The following DNHD1 variants were observed in gnomAD, a reference collection of about 807,000 sequenced individuals.
The protein encoded by DNHD1 is dynein heavy chain domain-containing protein 1.
Under a neutral mutation model 458.1 loss-of-function variants are expected in DNHD1, and 383 were observed. That is an observed-to-expected ratio of 0.84 (90% CI 0.77 to 0.91). The LOEUF (loss-of-function observed/expected upper bound fraction) is 0.91, where lower values mean the gene tolerates loss of function less well. Among genes scored for constraint, DNHD1 ranks in the 40% least tolerant of loss-of-function variants. The pLI, the probability that DNHD1 is intolerant of heterozygous loss-of-function variation, is 0.00. For synonymous variants in DNHD1, 2,203 were observed against 2,376.9 expected, an observed-to-expected ratio of 0.93 and a Z score of 2.13; for missense variants, 5,336 against 5,866.1, an observed-to-expected ratio of 0.91 and a Z score of 2.95.
intron 24 of DNHD1, among the ~76,000 whole-genome samples, chr11:6,552,623 G>A (rs940047550): frequency 3.3e-5 from 5 of 152,030 alleles, no homozygotes; most frequent in Non-Finnish European, 7.4e-5. Context: ...GCGAAGGGGA[G>A]GCAAGGCACA....
chr11:6,504,222 T>C (rs1026428955), intron 4 of DNHD1: 4 of 152,230 alleles, frequency 2.6e-5, no homozygotes, highest in African/African-American at 9.6e-5. Flanking sequence ...TATTAATTGA[T>C]TGCCTCTTGA....
Position 6,519,701 on chromosome 11 carries a change from A to T in DNHD1, c.1494A>T (p.Val498=). Residue 498 remains valine (V), a synonymous_variant, in exon 8 of 43, where the codon GTA becomes GTT. Coordinates refer to ENST00000254579, the MANE Select transcript of DNHD1 (RefSeq NM_144666.3). ...AAGGCTCCATATACCTTCAGAGGGT[A>T]CAGCACAAGCAACTGGAGCAGAAGC... ...TGQGSIYLQR[V]QHKQLEQKLK... The T allele has an allele frequency of 6.2e-7, 1 of 1,614,194 alleles. No individual in the cohort carries two copies. The highest frequency in any genetic ancestry group is 8.5e-7 in the Non-Finnish European group (1 of 1,180,024).
chr11:6,499,454 T>G (rs1266017974), intron 3 of DNHD1, among the ~76,000 whole-genome samples: 1 of 152,124 alleles, frequency 6.6e-6, no homozygotes, highest in Non-Finnish European at 1.5e-5. Flanking sequence ...CAGAGTGGAG[T>G]TGGCAGCACT....
chr11:6,564,435 C>A lies in DNHD1; in HGVS notation c.10387C>A (p.Leu3463Met). The A allele has an allele frequency of 3.2e-6, 5 of 1,551,726 alleles. No homozygotes were observed. The highest frequency in any genetic ancestry group is 1.7e-4 in the Middle Eastern group (1 of 5,992). Reference protein sequence around the residue: ...PFPPLRRQELLDEWLALCRGF... With the variant: ...PFPPLRRQELMDEWLALCRGF... Reference sequence around the variant, plus strand: ...CCCACCATTGCGGCGCCAAGAGCTACTGGACGAGTGGTTAGCTCTGTGTAG... The same window carrying A: ...CCCACCATTGCGGCGCCAAGAGCTAATGGACGAGTGGTTAGCTCTGTGTAG... The change falls in exon 32 of 43, where the codon CTG (leucine) becomes ATG (methionine). Residue 3463 changes from leucine to methionine, a missense_variant. Physicochemically the swap from Leu to Met is conservative, Grantham distance 15 (BLOSUM62 2). Transcript: ENST00000254579.
rs752539277 is a variant in DNHD1 at position 6,545,305 on chromosome 11, C to T, written c.4366C>T (p.Arg1456Cys). The T allele has an allele frequency of 4.5e-6, 7 of 1,551,620 alleles. No individual in the cohort carries two copies. The highest frequency in any genetic ancestry group is 2.4e-5 in the East Asian group (1 of 40,938). ...GCTGGCCTCTCTGGAGAAGTGTCTGCGCTTGGCACTGGTGCACATGCTGCA... is the reference window on the plus strand; with the variant it reads ...GCTGGCCTCTCTGGAGAAGTGTCTGTGCTTGGCACTGGTGCACATGCTGCA... ...KWLASLEKCL[R>C]LALVHMLQGC... Residue 1456 changes from arginine (R) to cysteine (C), a missense_variant, in exon 21 of 43, where the codon CGC (arginine) becomes TGC (cysteine). Coordinates refer to ENST00000254579, the MANE Select transcript of DNHD1 (RefSeq NM_144666.3). The surrounding 1 kb of genome is among the most constrained non-coding windows in gnomAD (Gnocchi z 4.9).
In DNHD1 at chr11:6,539,321, C is replaced by T; in HGVS notation, c.3420+8C>T. On this transcript the variant is annotated splice_region_variant and intron_variant, in intron 17 of 42. Coordinates refer to ENST00000254579, the MANE Select transcript of DNHD1 (RefSeq NM_144666.3). Reference sequence around the variant, plus strand: ...GCAGATCGAATCAACCAGGTGGGGCCCTCAGTACAGGGGCGAGGGAGGTGG... The same window carrying T: ...GCAGATCGAATCAACCAGGTGGGGCTCTCAGTACAGGGGCGAGGGAGGTGG... 6.5e-7 allele frequency: 1 copy of T among 1,547,930 alleles called. No individual in the cohort carries two copies. The highest frequency in any genetic ancestry group is 8.7e-7 in the Non-Finnish European group (1 of 1,143,756).
At chr11:6,533,366 T>G (rs1254609909) in intron 13 of DNHD1, among the ~76,000 whole-genome samples, 182 bp downstream of exon 13, 2 of 152,226 alleles carry the variant, frequency 1.3e-5, no homozygotes, top group Admixed American at 1.3e-4. Context: ...AGGTTCCTCA[T>G]GTCACAGGGA....
Position 6,545,351 on chromosome 11 carries a change from T to G in DNHD1, c.4412T>G (p.Leu1471Arg). The change falls in exon 21 of 43, where the codon CTT (leucine) becomes CGT (arginine). Residue 1471 changes from leucine (L) to arginine (R), a missense_variant. Leu to Arg is a moderately radical substitution (Grantham distance 102). Around this residue, in one of 4 missense-constraint regions of DNHD1, gnomAD observed 3,932 missense variants for 4,365.6 expected, o/e 0.90. Coordinates refer to ENST00000254579, the MANE Select transcript of DNHD1 (RefSeq NM_144666.3). The surrounding 1 kb of genome is among the most constrained non-coding windows in gnomAD (Gnocchi z 4.9). ...CTGCAGGGCTGTGTGGCTGCTCGCC[T>G]TGCTCGAGGCCCATCTCTAGGTGAG... ...HMLQGCVAAR[L>R]ARGPSLGEAL... 1 of 1,551,770 alleles carries G rather than the reference T, an allele frequency of 6.4e-7. No individual in the cohort carries two copies.
chr11:6,554,823 C>T (rs893770786), intron 24 of DNHD1, among the ~76,000 whole-genome samples: 1 of 152,170 alleles, frequency 6.6e-6, no homozygotes, highest in African/African-American at 2.4e-5. Context: ...ATGGTACATC[C>T]ACTATAAAAA....
Position 6,571,109 on chromosome 11 carries a change from C to G in DNHD1, c.13597C>G (p.Leu4533Val), listed in dbSNP as rs763541588. 32 of 1,598,918 alleles carry G rather than the reference C, an allele frequency of 2.0e-5. No individual in the cohort carries two copies. The highest frequency in any genetic ancestry group is 6.0e-6 in the Non-Finnish European group (7 of 1,174,234). ...AVAHALWTGR[L>V]PLPWRPHAPA... ...GGCCCACGCTCTCTGGACTGGCCGC[C>G]TACCCTTGCCTTGGCGACCTCATGC... Residue 4533 changes from leucine (L) to valine (V), a missense_variant, in exon 42 of 43, where the codon CTA becomes GTA. By Grantham distance (32) the Leu-to-Val change is conservative. This residue lies in a region of DNHD1 where 698 missense variants were observed against 664.9 expected (regional missense o/e 1.05). Transcript: ENST00000254579. The surrounding 1 kb of genome is among the most constrained non-coding windows in gnomAD (Gnocchi z 5.0).
At position 6,567,475 on chromosome 11, in the gene DNHD1, A is replaced by C; in HGVS notation, c.11966A>C (p.Glu3989Ala). 1 of 1,613,248 alleles carries C rather than the reference A, an allele frequency of 6.2e-7. No individual in the cohort carries two copies. Among genetic ancestry groups the C allele is most frequent in the Non-Finnish European group, 8.5e-7 (1 of 1,179,552 alleles). Reference protein sequence around the residue: ...PAWLGPKAWHECEMLELLPPF... With the variant: ...PAWLGPKAWHACEMLELLPPF... ...TGGCTTGGGCCAAAAGCCTGGCATG[A>C]ATGTGAGATGTTAGAGCTGCTGCCC... The change falls in exon 36 of 43, where the codon GAA becomes GCA. Residue 3989 changes from glutamate (E) to alanine (A), a missense_variant. Physicochemically the swap from Glu to Ala is moderately radical, Grantham distance 107 (BLOSUM62 -1). Coordinates refer to ENST00000254579, the MANE Select transcript of DNHD1 (RefSeq NM_144666.3).
rs768248628 is a variant in DNHD1 at position 6,546,331 on chromosome 11, C to T, written c.5392C>T (p.Arg1798Cys). Residue 1798 changes from arginine (R) to cysteine (C), a missense_variant, in exon 21 of 43, where the codon CGC becomes TGC. Around this residue, in one of 4 missense-constraint regions of DNHD1, gnomAD observed 3,932 missense variants for 4,365.6 expected, o/e 0.90. Transcript: ENST00000254579. ...SFFEKHHVSV[R>C]LGYGCLLVLR... ...CTTTGAAAAACATCACGTGTCTGTG[C>T]GCCTTGGCTATGGCTGTCTCCTGGT... The T allele has an allele frequency of 1.9e-5, 30 of 1,552,320 alleles. No individual in the cohort carries two copies. The highest frequency in any genetic ancestry group is 2.4e-5 in the South Asian group (2 of 84,034).
chr11:6,533,299 CTG>C, intron 13 of DNHD1, 115 bp downstream of exon 13: 1 of 1,100,024 alleles, frequency 9.1e-7, no homozygotes, highest in Non-Finnish European at 1.3e-6. Context: ...TGCTCTTAAA[CTG>C]TGCTCGCCTA....
chr11:6,558,354 A>C (rs2134447165), intron 25 of DNHD1, 57 bp downstream of exon 25: 1 of 1,532,446 alleles, frequency 6.5e-7, no homozygotes, highest in South Asian at 1.2e-5. Flanking sequence ...TCTTGGCCAA[A>C]AGGCCAAAAG....
rs1564823466 is a variant in DNHD1, at chr11:6,565,740, T to C, written c.10802T>C (p.Met3601Thr). The change falls in exon 33 of 43, where the codon ATG (methionine) becomes ACG (threonine). Residue 3601 changes from methionine (M) to threonine (T), a missense_variant. Physicochemically the swap from Met to Thr is moderately conservative, Grantham distance 81. Transcript: ENST00000254579. ...CAAAAGAGAGAGAGTAAAACGGACA[T>C]GAAAGAGGAAGATGATGAGAGTGAA... Reference protein sequence around the residue: ...RNQKRESKTDMKEEDDESEES... With the variant: ...RNQKRESKTDTKEEDDESEES... 1 of 1,549,866 alleles carries C rather than the reference T, an allele frequency of 6.5e-7. No homozygotes were observed. The highest frequency in any genetic ancestry group is 8.7e-7 in the Non-Finnish European group (1 of 1,146,696).
Position 6,546,190 on chromosome 11 carries a change from G to A in DNHD1, c.5251G>A (p.Ala1751Thr). Residue 1751 changes from alanine (A) to threonine (T), a missense_variant, in exon 21 of 43, where the codon GCC becomes ACC. This residue lies in a region of DNHD1 where 3,932 missense variants were observed against 4,365.6 expected (regional missense o/e 0.90). Coordinates refer to ENST00000254579, the MANE Select transcript of DNHD1 (RefSeq NM_144666.3). ...VHQLPPGLLS[A>T]LGQRLGELHH... is the part of the protein sequence containing the mutation. ...TCAGCTGCCCCCTGGCTTGCTCTCTGCCCTGGGCCAGCGCCTGGGTGAACT... is the reference window on the plus strand; with the variant it reads ...TCAGCTGCCCCCTGGCTTGCTCTCTACCCTGGGCCAGCGCCTGGGTGAACT... The A allele has an allele frequency of 6.4e-7, 1 of 1,551,234 alleles. No individual in the cohort carries two copies. The highest frequency in any genetic ancestry group is 8.7e-7 in the Non-Finnish European group (1 of 1,146,590).
chr11:6,551,753 C>T (rs139068906), intron 24 of DNHD1, among the ~76,000 whole-genome samples: 4,635 of 152,216 alleles, frequency 0.03, 90 homozygotes, highest in Middle Eastern at 0.058. Context: ...CCATCCTGGC[C>T]AACATGGTGA....
rs1457720807 is a variant in DNHD1, at chr11:6,534,159, A to G, written c.2984A>G (p.Tyr995Cys). 2 of 1,550,992 alleles carry G rather than the reference A, an allele frequency of 1.3e-6. No individual in the cohort carries two copies. Among genetic ancestry groups the G allele is most frequent in the Non-Finnish European group, 1.7e-6 (2 of 1,146,896 alleles). Residue 995 changes from tyrosine (Y) to cysteine (C), a missense_variant, in exon 14 of 43, where the codon TAT (tyrosine) becomes TGT (cysteine). By Grantham distance (194) the Tyr-to-Cys change is radical. Coordinates refer to ENST00000254579, the MANE Select transcript of DNHD1 (RefSeq NM_144666.3). ...VSDLSELHHAYAIFTEDETPV... is the reference protein window; with the variant it reads ...VSDLSELHHACAIFTEDETPV... ...GACCTCAGTGAACTGCACCACGCCT[A>G]TGCCATCTTCACTGGTACTGAGGAT...
At chr11:6,541,995 A>T (rs1219116895) in intron 18 of DNHD1, among the ~76,000 whole-genome samples, 1 of 152,158 alleles carries the variant, frequency 6.6e-6, no homozygotes, top group Admixed American at 6.5e-5. Flanking sequence ...GTTCCTTATT[A>T]CCCAAATTCT....
Sources: gnomAD v4.1 joint callset for allele counts (sites outside exome capture counted in the v4.1 genomes callset) on GRCh38, gnomAD v4.1.1 for gene constraint, gnomAD v4.1.1 regional missense constraint, Gnocchi (gnomAD v3.1) non-coding constraint, MANE v1.5 for transcripts, NCBI Gene and HGNC (gene_info 2026-07-23, HGNC 2026-07-21) for gene names.